HELB: variants seen among roughly 807,000 people sequenced by gnomAD.
The protein encoded by HELB is DNA 5'-3' helicase B.
HELB carries 96 observed loss-of-function variants against 101.7 expected under a neutral mutation model. That is an observed-to-expected ratio of 0.94 (90% CI 0.80 to 1.12). HELB has a LOEUF of 1.12. Ranked by LOEUF, HELB falls within the 50% of genes most tolerant of loss-of-function variation. The pLI, the probability that HELB is intolerant of heterozygous loss-of-function variation, is 0.00. For synonymous variants in HELB, 437 were observed against 459.7 expected, an observed-to-expected ratio of 0.95 and a Z score of 0.63; for missense variants, 1,210 against 1,291.9, an observed-to-expected ratio of 0.94 and a Z score of 0.97.
At position 66,331,320 on chromosome 12, in the gene HELB, G is replaced by C; in HGVS notation, c.2837G>C (p.Arg946Pro). ...AAAAACAGTTTTCCTAGAAAAACTCGTTTGAAACATTTCTTGCAAAGTAAG... is the reference window on the plus strand; with the variant it reads ...AAAAACAGTTTTCCTAGAAAAACTCCTTTGAAACATTTCTTGCAAAGTAAG... ...IMKNSFPRKTRLKHFLQSKLS... is the reference protein window; with the variant it reads ...IMKNSFPRKTPLKHFLQSKLS... Residue 946 changes from arginine to proline, a missense_variant, in exon 12 of 13, where the codon CGT becomes CCT. Physicochemically the swap from Arg to Pro is moderately radical, Grantham distance 103. Transcript: ENST00000247815. The C allele has an allele frequency of 1.2e-6, 2 of 1,614,188 alleles. No homozygotes were observed. Among genetic ancestry groups the C allele is most frequent in the African/African-American group, 1.3e-5 (1 of 75,054 alleles).
At position 66,328,651 on chromosome 12, in the gene HELB, CTTTTTCAACTA is replaced by C; in HGVS notation, c.2671-2502_2671-2492del. Among the ~76,000 whole-genome samples the C allele has an allele frequency of 1.3e-5, 2 of 152,252 alleles. 1 individual carries two copies. ...GGAATAACTTGGGTATGTGAATCTT[CTTTTTCAACTA>C]CAAATTTTATGAACTCTAGAAATAG... On this transcript the variant is annotated intron_variant, in intron 11 of 12. Coordinates refer to ENST00000247815, the MANE Select transcript of HELB (RefSeq NM_001370285.1).
intron 5 of HELB, 46 bp downstream of exon 5, chr12:66,314,209 T>G: frequency 2.6e-6 from 4 of 1,557,336 alleles, no homozygotes; most frequent in Non-Finnish European, 3.5e-6. Flanking sequence ...TTCAAAGTAT[T>G]GTGGTTAGTT....
At chr12:66,321,379 G>A (rs1010645373) in intron 7 of HELB, 1 of 152,556 alleles carries the variant, frequency 6.6e-6, no homozygotes, top group Non-Finnish European at 1.5e-5. Context: ...GTGGGGAGTA[G>A]AGCATTGTGT....
rs139287854 is a variant in HELB at position 66,324,049 on chromosome 12, C to T, written c.2364C>T (p.Leu788=). 95 of 1,613,604 alleles carry T rather than the reference C, an allele frequency of 5.9e-5. 1 individual carries two copies. The African/African-American group carries it at 1.1e-3, about 18-fold the overall frequency. Residue 788 remains leucine (L), a synonymous_variant, in exon 10 of 13, where the codon CTC becomes CTT. Transcript: ENST00000247815. ...TTTGTTGTACCAGGAATGCATACCT[C>T]TCAGACTTACTACCTGAAAATATCT... The part of the protein sequence containing the change: ...DKICCTRNAY[L]SDLLPENISG...
In HELB at chr12:66,315,307, A is replaced by C; in HGVS notation, c.1924A>C (p.Lys642Gln). 6.2e-7 allele frequency: 1 copy of C among 1,608,964 alleles called. No homozygotes were observed. The highest frequency in any genetic ancestry group is 1.1e-5 in the South Asian group (1 of 90,306). ...GCTGAAAGATCTTTTTGAGACTCTT[A>C]AGTCAAGAAATTGTGCTATTGAGCT... is the stretch of plus-strand genomic sequence containing the variant. ...NLLKDLFETLKSRNCAIELKT... is the reference protein window; with the variant it reads ...NLLKDLFETLQSRNCAIELKT... The change falls in exon 6 of 13, where the codon AAG becomes CAG. Residue 642 changes from lysine (K) to glutamine (Q), a missense_variant. This residue lies in a region of HELB where 740 missense variants were observed against 728.8 expected (regional missense o/e 1.02). Coordinates refer to ENST00000247815, the MANE Select transcript of HELB (RefSeq NM_001370285.1).
At chr12:66,326,849 A>G (rs1224423577) in intron 11 of HELB, among the ~76,000 whole-genome samples, 4 of 150,140 alleles carry the variant, frequency 2.7e-5, no homozygotes, top group Non-Finnish European at 4.4e-5. Flanking sequence ...CCTGGCCAAC[A>G]TGGTAAAACC....
At chr12:66,332,781 T>G (rs903357140) in intron 12 of HELB, among the ~76,000 whole-genome samples, 3 of 152,232 alleles carry the variant, frequency 2.0e-5, no homozygotes, top group African/African-American at 7.2e-5. Context: ...CACTTCTTTG[T>G]TCAAAAGCTT....
In HELB at chr12:66,308,101, C is replaced by G. The variant is rs756085191; in HGVS notation, c.777+1587C>G. 1.3e-4 allele frequency among the ~76,000 whole-genome samples: 19 copies of G among 151,312 alleles called. 1 individual carries two copies. Among genetic ancestry groups the G allele is most frequent in the Non-Finnish European group, 2.8e-4 (19 of 67,870 alleles). Reference sequence around the variant, plus strand: ...ACATATCAGCTACTGTATTTTCTGCCTTCTGGATTAAGTGAACCCCTGTTT... The same window carrying G: ...ACATATCAGCTACTGTATTTTCTGCGTTCTGGATTAAGTGAACCCCTGTTT... On this transcript the variant is annotated intron_variant, in intron 3 of 12. Coordinates refer to ENST00000247815, the MANE Select transcript of HELB (RefSeq NM_001370285.1).
intron 11 of HELB, among the ~76,000 whole-genome samples, chr12:66,330,013 G>C (rs1239158088): frequency 6.6e-6 from 1 of 152,190 alleles, no homozygotes; most frequent in Non-Finnish European, 1.5e-5. Context: ...GAAGATAGAA[G>C]AGCTTGCTGA....
chr12:66,324,914 A>G, intron 10 of HELB, 69 bp from the exon 11 acceptor site: 4 of 1,582,522 alleles, frequency 2.5e-6, no homozygotes, highest in Non-Finnish European at 3.5e-6. Context: ...AAGATAGAAT[A>G]TCTTTGAACG....
At chr12:66,303,106 T>TA (rs1565633727) in intron 1 of HELB, among the ~76,000 whole-genome samples, 3 of 105,236 alleles carry the variant, frequency 2.9e-5, no homozygotes, top group Admixed American at 2.2e-4. Context: ...TTTTTTTTTT[T>TA]TAAAATTATT....
At chr12:66,319,895 T>C (rs2053651175) in intron 7 of HELB, among the ~76,000 whole-genome samples, 1 of 151,324 alleles carries the variant, frequency 6.6e-6, no homozygotes, top group Non-Finnish European at 1.5e-5. Context: ...TTTTTGTTTA[T>C]TGTAGAAACT....
At chr12:66,320,127 G>T (rs1203562466) in intron 7 of HELB, among the ~76,000 whole-genome samples, 2 of 151,934 alleles carry the variant, frequency 1.3e-5, no homozygotes, top group Admixed American at 1.3e-4. Flanking sequence ...ACTTACCAGT[G>T]ACTGATTAAA....
At position 66,324,339 on chromosome 12, in the gene HELB, G is replaced by A. The variant is rs564187417; in HGVS notation, c.2526+128G>A. The A allele has an allele frequency of 9.2e-5, 69 of 749,520 alleles. No individual in the cohort carries two copies. In the African/African-American group the frequency reaches 1.1e-3, roughly 12 times the overall value. The allele number at this position is 749,520 out of a possible 1,614,324, so 46.4% of individuals were successfully genotyped here. A position where few individuals can be genotyped will look rare whatever the true frequency, so the allele number is the denominator to read the frequency against. On this transcript the variant is annotated intron_variant, in intron 10 of 12. Coordinates refer to ENST00000247815, the MANE Select transcript of HELB (RefSeq NM_001370285.1). ...TCTTGTTTCATGATTTTTTGTTAAG[G>A]ATTTTTGGCATCCATGTTTATGAAG...
In HELB at chr12:66,305,057, G is replaced by C. The variant is rs35605829; in HGVS notation, c.514G>C (p.Glu172Gln). 6.2e-7 allele frequency: 1 copy of C among 1,612,214 alleles called. No homozygotes were observed. The highest frequency in any genetic ancestry group is 8.5e-7 in the Non-Finnish European group (1 of 1,179,398). Reference sequence around the variant, plus strand: ...GGAAACACTAAGAACTTTCCACAAGGAAACTGGAAGGAAAGATCAAAAGCA... The same window carrying C: ...GGAAACACTAAGAACTTTCCACAAGCAAACTGGAAGGAAAGATCAAAAGCA... ...LRETLRTFHK[E>Q]TGRKDQKQPT... Residue 172 changes from glutamate (E) to glutamine (Q), a missense_variant, in exon 2 of 13, where the codon GAA (glutamate) becomes CAA (glutamine). Glu to Gln is a conservative substitution (Grantham distance 29, BLOSUM62 2). Around this residue, in one of 2 missense-constraint regions of HELB, gnomAD observed 470 missense variants for 563.1 expected, o/e 0.83. Transcript: ENST00000247815.
downstream of HELB, chr12:66,343,094 T>A (rs1215380026): frequency 7.9e-5 from 12 of 152,222 alleles, no homozygotes; most frequent in Admixed American, 7.2e-4. Context: ...ACTTTGTTCT[T>A]CTTTTTCAAG....
intron 4 of HELB, 78 bp from the exon 5 acceptor site, chr12:66,313,908 C>A: frequency 7.3e-7 from 1 of 1,362,236 alleles, no homozygotes; most frequent in Non-Finnish European, 1.0e-6. Context: ...CGAGTTTTGC[C>A]CCAAAATAAC....
intron 7 of HELB, among the ~76,000 whole-genome samples, chr12:66,321,232 G>GATGTCATC (rs1427304353): frequency 6.6e-6 from 1 of 152,106 alleles, no homozygotes; most frequent in Non-Finnish European, 1.5e-5. Context: ...TCATAATATG[G>GATGTCATC]ATGTCATCAG....
chr12:66,327,193 G>T (rs11176147), intron 11 of HELB, among the ~76,000 whole-genome samples: 1 of 151,452 alleles, frequency 6.6e-6, no homozygotes, highest in East Asian at 1.9e-4. Flanking sequence ...GTCGATTGCA[G>T]ATTTGGCTTT....
Sources: allele counts gnomAD v4.1 joint callset (sites outside exome capture counted in the v4.1 genomes callset), GRCh38; gene constraint gnomAD v4.1.1; regional missense constraint gnomAD v4.1.1; transcripts MANE v1.5; gene names NCBI Gene and HGNC (gene_info 2026-07-23, HGNC 2026-07-21).